The following MTUS2 variants were observed in gnomAD, a reference collection of about 807,000 sequenced individuals.
MTUS2 encodes the protein microtubule associated scaffold protein 2.
A neutral mutation model predicts 114.1 loss-of-function variants in MTUS2; 40 were observed. That is an observed-to-expected ratio of 0.35 (90% CI 0.27 to 0.46). The LOEUF (loss-of-function observed/expected upper bound fraction) is 0.46, where lower values mean the gene tolerates loss of function less well. MTUS2 is among the 20% of genes least tolerant of loss of function. The pLI is 1.00. For missense variants in MTUS2, 1,679 were observed against 1,705.4 expected, an observed-to-expected ratio of 0.98 and a Z score of 0.27; for synonymous variants, 688 against 672.0, an observed-to-expected ratio of 1.02 and a Z score of -0.37.
At chr13:29,212,498 A>C (rs943363865) in intron 5 of MTUS2, among the ~76,000 whole-genome samples, 3 of 152,212 alleles carry the variant, frequency 2.0e-5, no homozygotes, top group African/African-American at 7.2e-5. Flanking sequence ...GCTCAATCTC[A>C]CAAGACTGCC....
intron 2 of MTUS2, among the ~76,000 whole-genome samples, chr13:28,877,592 T>C (rs1878024097): frequency 6.6e-6 from 1 of 152,136 alleles, no homozygotes; most frequent in Admixed American, 6.5e-5. Context: ...CTCACATTAC[T>C]CATCGAAACT....
intron 4 of MTUS2, among the ~76,000 whole-genome samples, chr13:29,066,051 C>T (rs887271770): frequency 1.3e-5 from 2 of 152,102 alleles, no homozygotes; most frequent in African/African-American, 4.8e-5. Flanking sequence ...GGCATGCCAC[C>T]CTCTTTCTGT....
At chr13:28,827,954 T>C (rs930457096) in intron 1 of MTUS2, among the ~76,000 whole-genome samples, 1 of 152,190 alleles carries the variant, frequency 6.6e-6, no homozygotes, top group African/African-American at 2.4e-5. Context: ...GATAACATCT[T>C]ATCAGGAGAC....
At chr13:29,206,997 C>A (rs1314178366) in intron 5 of MTUS2, among the ~76,000 whole-genome samples, 3 of 152,078 alleles carry the variant, frequency 2.0e-5, no homozygotes, top group African/African-American at 7.2e-5. Context: ...TTGCTTTTGG[C>A]AGTGTGGTCA....
intron 5 of MTUS2, among the ~76,000 whole-genome samples, chr13:29,103,452 G>T (rs554317616): frequency 1.3e-3 from 201 of 152,312 alleles, no homozygotes; most frequent in Non-Finnish European, 1.9e-3. Flanking sequence ...CATAGAAGAA[G>T]TATAGTAAAG....
intron 2 of MTUS2, among the ~76,000 whole-genome samples, chr13:28,907,759 C>T (rs1250137067): frequency 6.6e-6 from 1 of 151,616 alleles, no homozygotes; most frequent in Non-Finnish European, 1.5e-5. Flanking sequence ...AACGCAAGTA[C>T]TGAGTGACCT....
chr13:29,469,903 G>A (rs1441546840), intron 9 of MTUS2, among the ~76,000 whole-genome samples: 1 of 152,014 alleles, frequency 6.6e-6, no homozygotes, highest in Non-Finnish European at 1.5e-5. Flanking sequence ...CATGGATTAG[G>A]GGATCTGGAG....
chr13:29,100,166 TA>T (rs1415842119), intron 4 of MTUS2, among the ~76,000 whole-genome samples: 14 of 152,174 alleles, frequency 9.2e-5, no homozygotes, highest in Non-Finnish European at 1.3e-4. Context: ...ACTGTGGCTT[TA>T]AGTGTTAGGA....
chr13:29,384,626 G>A (rs4769732), intron 8 of MTUS2, among the ~76,000 whole-genome samples: 74,512 of 152,094 alleles, frequency 0.49, 20,042 homozygotes, highest in East Asian at 0.66. Flanking sequence ...TGTGTGGTTT[G>A]TTCCTCTTAT....
At chr13:28,955,842 C>A (rs1404614492) in intron 2 of MTUS2, among the ~76,000 whole-genome samples, 1 of 151,548 alleles carries the variant, frequency 6.6e-6, no homozygotes, top group Non-Finnish European at 1.5e-5. Context: ...ATGGCATGCC[C>A]CTTTCTGCTT....
At chr13:29,193,626 C>T (rs1021037996) in intron 5 of MTUS2, among the ~76,000 whole-genome samples, 4 of 152,250 alleles carry the variant, frequency 2.6e-5, no homozygotes, top group South Asian at 2.1e-4. Context: ...ATTGCATGCT[C>T]GTAGGTAGGA....
chr13:29,026,310 C>G lies in MTUS2; in HGVS notation c.1612C>G (p.Pro538Ala). Residue 538 changes from proline (P) to alanine (A), a missense_variant, in exon 3 of 16, where the codon CCA (proline) becomes GCA (alanine). This residue lies in a region of MTUS2 where 843 missense variants were observed against 770.8 expected (regional missense o/e 1.09). Coordinates refer to ENST00000612955, the MANE Select transcript of MTUS2 (RefSeq NM_001033602.4). ...SVLNIPAPLH[P>A]ETTVNMTYQP... Reference sequence around the variant, plus strand: ...TCTCAATATTCCAGCACCCCTCCACCCAGAGACAACTGTGAACATGACCTA... The same window carrying G: ...TCTCAATATTCCAGCACCCCTCCACGCAGAGACAACTGTGAACATGACCTA... 4 of 1,613,956 alleles carry G rather than the reference C, an allele frequency of 2.5e-6. No individual in the cohort carries two copies. The highest frequency in any genetic ancestry group is 1.1e-5 in the South Asian group (1 of 91,082).
rs377723786 is a variant in MTUS2 at position 29,312,699 on chromosome 13, A to G, written c.2807-11914A>G. On this transcript the variant is annotated intron_variant, in intron 6 of 15. Coordinates refer to ENST00000612955, the MANE Select transcript of MTUS2 (RefSeq NM_001033602.4). ...TTAAAAATGCAAAGTATTTATTACCACTAGTTACTTATTCACATGCTCTCA... is the reference window on the plus strand; with the variant it reads ...TTAAAAATGCAAAGTATTTATTACCGCTAGTTACTTATTCACATGCTCTCA... Among the ~76,000 whole-genome samples the G allele has an allele frequency of 3.9e-5, 6 of 152,220 alleles. No homozygotes were observed. The South Asian group carries it at 6.2e-4, about 16-fold the overall frequency.
chr13:28,951,836 C>T (rs1882824793), intron 2 of MTUS2, among the ~76,000 whole-genome samples: 1 of 151,952 alleles, frequency 6.6e-6, no homozygotes, highest in African/African-American at 2.4e-5. Flanking sequence ...GCATTTTATC[C>T]CAAGCACGAT....
chr13:28,899,837 C>T (rs145874690), intron 2 of MTUS2, among the ~76,000 whole-genome samples: 223 of 152,074 alleles, frequency 1.5e-3, no homozygotes, highest in African/African-American at 4.3e-3. Flanking sequence ...GGAGGCTGCC[C>T]GATTCATGAA....
chr13:28,978,722 T>C (rs1884226823), intron 2 of MTUS2, among the ~76,000 whole-genome samples: 1 of 152,226 alleles, frequency 6.6e-6, no homozygotes, highest in Admixed American at 6.5e-5. Context: ...TAACATCCTT[T>C]TGTTGTAAGA....
intron 2 of MTUS2, among the ~76,000 whole-genome samples, chr13:28,994,409 A>G (rs913236630): frequency 6.6e-6 from 1 of 152,226 alleles, no homozygotes; most frequent in African/African-American, 2.4e-5. Flanking sequence ...TCCTTTGGAT[A>G]TATACCCAGT....
At chr13:29,456,866 G>C (rs1023071448) in intron 9 of MTUS2, among the ~76,000 whole-genome samples, 1 of 152,108 alleles carries the variant, frequency 6.6e-6, no homozygotes, top group Non-Finnish European at 1.5e-5. Flanking sequence ...GGCCGGGCAC[G>C]GTGGCTCACG....
In MTUS2 at chr13:29,052,429, C is replaced by T. The variant is rs140056618; in HGVS notation, c.2446+18304C>T. 4.5e-4 allele frequency among the ~76,000 whole-genome samples: 61 copies of T among 135,452 alleles called. No individual in the cohort carries two copies. In the East Asian group the frequency reaches 0.012, roughly 26 times the overall value. 88.9% of individuals were successfully genotyped at this position (135,452 alleles called of 152,430 possible). ...CTGGGAGGCGGAGGTTGCAGTGAGCCGAGATCACACCACTGCATGCTAGCC... is the reference window on the plus strand; with the variant it reads ...CTGGGAGGCGGAGGTTGCAGTGAGCTGAGATCACACCACTGCATGCTAGCC... On this transcript the variant is annotated intron_variant, in intron 4 of 15. Coordinates refer to ENST00000612955, the MANE Select transcript of MTUS2 (RefSeq NM_001033602.4).
Sources: allele counts gnomAD v4.1 joint callset (sites outside exome capture counted in the v4.1 genomes callset), GRCh38; gene constraint gnomAD v4.1.1; regional missense constraint gnomAD v4.1.1; transcripts MANE v1.5; gene names NCBI Gene and HGNC (gene_info 2026-07-23, HGNC 2026-07-21).